CLEC12B: variants seen among roughly 807,000 people sequenced by gnomAD.
CLEC12B encodes macrophage antigen h.
In CLEC12B, 25 loss-of-function variants were observed where a neutral mutation model predicts 36.1. The observed-to-expected ratio is 0.69, with a 90% CI of 0.50 to 0.97. CLEC12B has a LOEUF of 0.97. Among genes scored for constraint, CLEC12B ranks in the 50% least tolerant of loss-of-function variants. The probability of loss-of-function intolerance (pLI) is 0.00; values close to 1 mark genes in which losing one functional copy is unlikely to be tolerated. For synonymous variants in CLEC12B, 110 were observed against 108.5 expected, an observed-to-expected ratio of 1.01 and a Z score of -0.09; for missense variants, 325 against 318.4, an observed-to-expected ratio of 1.02 and a Z score of -0.16.
In CLEC12B at chr12:10,018,681, A is replaced by C; in HGVS notation, c.*200A>C. ...TGATTTGATGTTATTATTCGGTCTT[A>C]AAATTATACCTGGGGACAAAGGGGA... is the stretch of plus-strand genomic sequence containing the variant. On this transcript the variant is annotated 3_prime_UTR_variant, in exon 6 of 6. Transcript: ENST00000338896. The C allele has an allele frequency of 1.8e-6, 1 of 546,432 alleles. No individual in the cohort carries two copies. Among genetic ancestry groups the C allele is most frequent in the South Asian group, 2.4e-5 (1 of 41,098 alleles). The allele number at this position is 546,432 out of a possible 1,614,324, so 33.8% of individuals were successfully genotyped here.
intron 1 of CLEC12B, among the ~76,000 whole-genome samples, chr12:10,012,470 A>C (rs1323207397): frequency 6.6e-6 from 1 of 152,182 alleles, no homozygotes; most frequent in Non-Finnish European, 1.5e-5. Flanking sequence ...TTACATATGT[A>C]TACATGTGCC....
chr12:10,007,858 T>A (rs1865249282), upstream of CLEC12B, among the ~76,000 whole-genome samples: 1 of 152,170 alleles, frequency 6.6e-6, no homozygotes, highest in South Asian at 2.1e-4. Flanking sequence ...ATTTTTATAA[T>A]TGGCCCTGGT....
At chr12:10,009,664 C>T (rs546235347), upstream of CLEC12B, among the ~76,000 whole-genome samples, 64 of 152,098 alleles carry the variant, frequency 4.2e-4, 4 homozygotes, top group South Asian at 0.013. Flanking sequence ...CATTGCCTTT[C>T]TGCATCTGCT....
At position 10,015,356 on chromosome 12, in the gene CLEC12B, T is replaced by C; in HGVS notation, c.514T>C (p.Cys172Arg). ...AACCTGGGCTAACAGTAGAAAGGAC[T>C]GCATAGACAAGAACTCCACCCTAGT... Reference protein sequence around the residue: ...EKTWANSRKDCIDKNSTLVKI... With the variant: ...EKTWANSRKDRIDKNSTLVKI... The change falls in exon 4 of 6, where the codon TGC becomes CGC. Residue 172 changes from cysteine (C) to arginine (R), a missense_variant. By Grantham distance (180) the Cys-to-Arg change is radical (BLOSUM62 -3). Coordinates refer to ENST00000338896, the MANE Select transcript of CLEC12B (RefSeq NM_001129998.3). 1 of 1,613,460 alleles carries C rather than the reference T, an allele frequency of 6.2e-7. No individual in the cohort carries two copies. Among genetic ancestry groups the C allele is most frequent in the Non-Finnish European group, 8.5e-7 (1 of 1,179,618 alleles).
chr12:10,017,858 G>A (rs1029711164), intron 5 of CLEC12B: 36 of 972,184 alleles, frequency 3.7e-5, no homozygotes, highest in Admixed American at 1.8e-4. Flanking sequence ...CTCTTTTAAC[G>A]TCTGTCTTGT....
chr12:10,010,190 TGTCTCTCTCTCACACACA>T (rs1421309497), upstream of CLEC12B, among the ~76,000 whole-genome samples: 5 of 63,300 alleles, frequency 7.9e-5, no homozygotes, highest in South Asian at 9.3e-4. Flanking sequence ...TGTCTCTCTC[TGTCTCTCTCTCACACACA>T]CACACACACA....
At chr12:10,016,907 CT>C in intron 5 of CLEC12B, 1 of 860,084 alleles carries the variant, frequency 1.2e-6, no homozygotes, top group Non-Finnish European at 1.4e-6. Flanking sequence ...TTCATAATGG[CT>C]TTTTATCTAC....
Position 10,015,631 on chromosome 12 carries a change from C to T in CLEC12B, c.584C>T (p.Pro195Leu). The change falls in exon 5 of 6, where the codon CCA (proline) becomes CTA (leucine). Residue 195 changes from proline (P) to leucine (L), a missense_variant. Coordinates refer to ENST00000338896, the MANE Select transcript of CLEC12B (RefSeq NM_001129998.3). The stretch of plus-strand genomic sequence containing the variant: ...TCTTAGGATTTTCTTATGTCACAGC[C>T]ATTACTCATGTTTTCGTTCTTTTGG... ...LEEKDFLMSQ[P>L]LLMFSFFWLG... The T allele has an allele frequency of 1.2e-6, 2 of 1,613,612 alleles. No homozygotes were observed. Among genetic ancestry groups the T allele is most frequent in the Non-Finnish European group, 1.7e-6 (2 of 1,179,682 alleles).
At chr12:10,016,966 C>G (rs1310905454) in intron 5 of CLEC12B, 1 of 979,442 alleles carries the variant, frequency 1.0e-6, no homozygotes, top group Non-Finnish European at 1.2e-6. Context: ...TCCTGTTTCA[C>G]TCTTTAAAGC....
chr12:10,012,712 A>G, intron 1 of CLEC12B, 73 bp from the exon 2 acceptor site: 1 of 1,182,214 alleles, frequency 8.5e-7, no homozygotes, highest in Non-Finnish European at 1.2e-6. Flanking sequence ...CCTAAGTGGG[A>G]GAAATAAACA....
At chr12:10,011,106 G>C (rs1442797319) in intron 1 of CLEC12B, among the ~76,000 whole-genome samples, 1 of 152,176 alleles carries the variant, frequency 6.6e-6, no homozygotes, top group African/African-American at 2.4e-5. Flanking sequence ...CAGAAATTGA[G>C]CTTGGGGAAT....
At position 10,015,711 on chromosome 12, in the gene CLEC12B, GT is replaced by G; in HGVS notation, c.666del (p.Ser224LeufsTer47). The G allele has an allele frequency of 6.2e-7, 1 of 1,613,626 alleles. No homozygotes were observed. Among genetic ancestry groups the G allele is most frequent in the Non-Finnish European group, 8.5e-7 (1 of 1,179,676 alleles). ...AAGTTGGTTCTGGGAAGATGGCTCT[GT>G]TCCCTCTCCATCCTTGTACGTCTCT... Reference protein sequence around the residue: ...GRSWFWEDGSVPSPSLFSTKE... With the variant: ...GRSWFWEDGSXPSPSLFSTKE... On this transcript the variant is annotated frameshift_variant, in exon 5 of 6. Coordinates refer to ENST00000338896, the MANE Select transcript of CLEC12B (RefSeq NM_001129998.3). LOFTEE classifies it high-confidence loss of function.
chr12:10,007,679 G>A (rs183823180), upstream of CLEC12B, among the ~76,000 whole-genome samples: 65 of 152,332 alleles, frequency 4.3e-4, no homozygotes, highest in South Asian at 6.2e-4. Context: ...AGAGTGCTGA[G>A]AAGTTACATT....
In CLEC12B at chr12:10,012,881, T is replaced by C. The variant is rs1359525626; in HGVS notation, c.188T>C (p.Met63Thr). ...ATTGGGCTGGTGACATTGGGGATGA[T>C]GTGTAAGTATATCAGCATCAAACCC... The part of the protein sequence containing the change: ...LLIGLVTLGM[M>T]FLQISNDINS... The change falls in exon 2 of 6, where the codon ATG (methionine) becomes ACG (threonine). Residue 63 changes from methionine to threonine, a missense_variant and splice_region_variant. By Grantham distance (81) the Met-to-Thr change is moderately conservative. Transcript: ENST00000338896. 1 of 1,603,534 alleles carries C rather than the reference T, an allele frequency of 6.2e-7. No individual in the cohort carries two copies. Among genetic ancestry groups the C allele is most frequent in the South Asian group, 1.1e-5 (1 of 90,886 alleles).
intron 1 of CLEC12B, among the ~76,000 whole-genome samples, chr12:10,012,151 G>A (rs886473564): frequency 6.6e-6 from 1 of 152,134 alleles, no homozygotes; most frequent in African/African-American, 2.4e-5. Flanking sequence ...GTGATAAATA[G>A]CATGAATAAT....
rs182466044 is a variant in CLEC12B, at chr12:10,017,138, T to G, written c.681-1193T>G. 4.1e-6 allele frequency: 4 copies of G among 985,358 alleles called. No individual in the cohort carries two copies. The Admixed American group carries it at 2.5e-4, about 61-fold the overall frequency. The allele number at this position is 985,358 out of a possible 1,614,324, so 61.0% of individuals were successfully genotyped here. On this transcript the variant is annotated intron_variant, in intron 5 of 5. Transcript: ENST00000338896. ...TCTTCATCCATTTCCCAATGTTTTG[T>G]CATGGCTATTTCTACTCAAACACTA...
chr12:10,010,198 T>TCACACACACACACACACA (rs750091791), upstream of CLEC12B, among the ~76,000 whole-genome samples: 7 of 96,722 alleles, frequency 7.2e-5, no homozygotes, highest in African/African-American at 1.1e-4. Flanking sequence ...TCTGTCTCTC[T>TCACACACACACACACACA]CTCACACACA....
chr12:10,015,003 A>T (rs1479852397), intron 3 of CLEC12B, among the ~76,000 whole-genome samples: 1 of 152,220 alleles, frequency 6.6e-6, no homozygotes, highest in African/African-American at 2.4e-5. Context: ...CTAGGTGATC[A>T]TGTTGCTCTG....
At chr12:10,010,198 T>TCACACACA (rs750091791), upstream of CLEC12B, among the ~76,000 whole-genome samples, 5,693 of 96,606 alleles carry the variant, frequency 0.059, 132 homozygotes, top group Non-Finnish European at 0.077. Context: ...TCTGTCTCTC[T>TCACACACA]CTCACACACA....
Sources: gnomAD v4.1 joint callset for allele counts (sites outside exome capture counted in the v4.1 genomes callset) on GRCh38, gnomAD v4.1.1 for gene constraint, MANE v1.5 for transcripts, NCBI Gene and HGNC (gene_info 2026-07-23, HGNC 2026-07-21) for gene names.